Variants in AGFG2 observed in about 807,000 individuals in gnomAD.
AGFG2 encodes the protein arf-GAP domain and FG repeat-containing protein 2.
In AGFG2, 31 loss-of-function variants were observed where a neutral mutation model predicts 48.0. The ratio of observed to expected loss-of-function variants is 0.65; its 90% CI spans 0.49 to 0.87. The LOEUF (loss-of-function observed/expected upper bound fraction) is 0.87. Ranked by LOEUF, AGFG2 falls within the 40% of genes least tolerant of loss-of-function variation. The pLI, the probability that AGFG2 is intolerant of heterozygous loss-of-function variation, is 0.00. For missense variants in AGFG2, 599 were observed against 632.6 expected (o/e 0.95, Z 0.57); for synonymous variants, 229 against 260.8 (o/e 0.88, Z 1.18).
chr7:100,564,009 C>T (rs757176284), intron 10 of AGFG2, 47 bp downstream of exon 10: 32 of 1,592,748 alleles, frequency 2.0e-5, no homozygotes, highest in Non-Finnish European at 2.6e-5. Flanking sequence ...CCCATCTCTG[C>T]ATAGAGATCA....
At position 100,562,715 on chromosome 7, in the gene AGFG2, G is replaced by T; in HGVS notation, c.1087+33G>T. 1.3e-6 allele frequency: 2 copies of T among 1,597,312 alleles called. No individual in the cohort carries two copies. The highest frequency in any genetic ancestry group is 1.1e-5 in the South Asian group (1 of 89,110). ...CTGCCTGTGGAGACCCAGGGGAGGG[G>T]ACCTGAGGCCAGGAGGAGTCTAAGG... On this transcript the variant is annotated intron_variant, in intron 8 of 11. Transcript: ENST00000300176. This position sits in a 1 kb window ranked among gnomAD's most constrained non-coding sequence, Gnocchi z 5.4.
chr7:100,550,402 C>T lies in AGFG2; in HGVS notation c.322C>T (p.Arg108Trp), dbSNP rs146728315. 5 of 1,612,008 alleles carry T rather than the reference C, an allele frequency of 3.1e-6. No homozygotes were observed. Among genetic ancestry groups the T allele is most frequent in the African/African-American group, 2.7e-5 (2 of 74,694 alleles). ...GACACCTTCATTCTTTTAGGTTTGC[C>T]GGAAGATTTGGTTGGGTCTGTTTGA... ...FLQSRGNEVC[R>W]KIWLGLFDAR... is the part of the protein sequence containing the mutation. Residue 108 changes from arginine to tryptophan, a missense_variant, in exon 3 of 12, where the codon CGG (arginine) becomes TGG (tryptophan). By Grantham distance (101) the Arg-to-Trp change is moderately radical. Transcript: ENST00000300176.
In AGFG2 at chr7:100,562,502, C is replaced by T. The variant is rs1800898664; in HGVS notation, c.999-92C>T. 2.5e-6 allele frequency: 4 copies of T among 1,602,648 alleles called. No homozygotes were observed. Among genetic ancestry groups the T allele is most frequent in the Non-Finnish European group, 3.4e-6 (4 of 1,173,272 alleles). On this transcript the variant is annotated intron_variant, in intron 7 of 11. Coordinates refer to ENST00000300176, the MANE Select transcript of AGFG2 (RefSeq NM_006076.5). This position sits in a 1 kb window ranked among gnomAD's most constrained non-coding sequence, Gnocchi z 5.4. Reference sequence around the variant, plus strand: ...CCCCTCCCCTCCTCTCCCTTACTCACCCTGGAGAGCAGGGTTGGCATCTCC... The same window carrying T: ...CCCCTCCCCTCCTCTCCCTTACTCATCCTGGAGAGCAGGGTTGGCATCTCC...
chr7:100,539,561 G>A lies in AGFG2; in HGVS notation c.215G>A (p.Gly72Asp). Residue 72 changes from glycine to aspartate, a missense_variant, in exon 1 of 12, where the codon GGC (glycine) becomes GAC (aspartate). Coordinates refer to ENST00000300176, the MANE Select transcript of AGFG2 (RefSeq NM_006076.5). The stretch of plus-strand genomic sequence containing the variant: ...AGCTTCGTGTGCACCACCTGCTCCG[G>A]CCTCCTGTGAGTGACCGGGAGGGAG... ...VGSFVCTTCS[G>D]LLRGLNPPHR... 8.4e-7 allele frequency: 1 copy of A among 1,186,062 alleles called. No individual in the cohort carries two copies. 73.5% of individuals were successfully genotyped at this position (1,186,062 alleles called of 1,614,324 possible).
At position 100,539,206 on chromosome 7, in the gene AGFG2, G is replaced by A; in HGVS notation, c.-141G>A. On this transcript the variant is annotated 5_prime_UTR_variant, in exon 1 of 12. Coordinates refer to ENST00000300176, the MANE Select transcript of AGFG2 (RefSeq NM_006076.5). ...GTGCAGGACGGGCAAGGAGGGTGGT[G>A]GACGGCGAAGTCTCCTGCGGATGCC... The A allele has an allele frequency of 1.2e-6, 1 of 802,344 alleles. No individual in the cohort carries two copies. Among genetic ancestry groups the A allele is most frequent in the Non-Finnish European group, 1.7e-6 (1 of 584,936 alleles). 49.7% of individuals were successfully genotyped at this position (802,344 alleles called of 1,614,324 possible).
intron 6 of AGFG2, among the ~76,000 whole-genome samples, chr7:100,561,872 T>C (rs1800881163): frequency 6.6e-6 from 1 of 152,042 alleles, no homozygotes; most frequent in Non-Finnish European, 1.5e-5. Context: ...TGCCCCTCCC[T>C]GCCATGTTCT....
intron 1 of AGFG2, among the ~76,000 whole-genome samples, chr7:100,543,146 C>T (rs1184369967): frequency 1.3e-5 from 2 of 152,126 alleles, no homozygotes; most frequent in African/African-American, 2.4e-5. Context: ...TCACTGCAAC[C>T]TCCACCTCCT....
At chr7:100,552,037 T>C (rs1800658429) in intron 3 of AGFG2, among the ~76,000 whole-genome samples, 1 of 149,634 alleles carries the variant, frequency 6.7e-6, no homozygotes, top group African/African-American at 2.5e-5. Context: ...GGGTCAGGAC[T>C]AGTTCAAGAC....
At chr7:100,558,636 G>T (rs942294334) in intron 6 of AGFG2, among the ~76,000 whole-genome samples, 1 of 151,498 alleles carries the variant, frequency 6.6e-6, no homozygotes, top group Non-Finnish European at 1.5e-5. Context: ...CCGCCTCTCG[G>T]GTTCACGCTA....
intron 1 of AGFG2, among the ~76,000 whole-genome samples, chr7:100,540,219 G>A (rs2131098401): frequency 6.6e-6 from 1 of 152,062 alleles, no homozygotes; most frequent in East Asian, 1.9e-4. Flanking sequence ...ACTAATCTTA[G>A]CAGGGCTTTG....
At chr7:100,558,150 G>A (rs1800793941) in intron 6 of AGFG2, among the ~76,000 whole-genome samples, 1 of 152,174 alleles carries the variant, frequency 6.6e-6, no homozygotes, top group Non-Finnish European at 1.5e-5. Flanking sequence ...GGAGGCGGAG[G>A]TTGCAGTGAG....
chr7:100,548,145 C>G (rs191624829), intron 1 of AGFG2, among the ~76,000 whole-genome samples: 255 of 152,182 alleles, frequency 1.7e-3, no homozygotes, highest in African/African-American at 5.6e-3. Flanking sequence ...CCCAGAAGTA[C>G]CCCCCTCGGC....
intron 11 of AGFG2, among the ~76,000 whole-genome samples, chr7:100,564,514 C>T (rs1222587082): frequency 4.0e-5 from 6 of 150,992 alleles, no homozygotes; most frequent in Non-Finnish European, 8.9e-5. Flanking sequence ...CCTTCTCCCT[C>T]ACTTTCCTTT....
intron 6 of AGFG2, among the ~76,000 whole-genome samples, chr7:100,561,036 G>T (rs1364078217): frequency 1.4e-5 from 2 of 147,676 alleles, no homozygotes; most frequent in African/African-American, 5.0e-5. Flanking sequence ...AGCCAGGTTG[G>T]TCTTGATCTC....
chr7:100,552,442 G>A (rs1800665760), intron 3 of AGFG2, among the ~76,000 whole-genome samples: 1 of 152,122 alleles, frequency 6.6e-6, no homozygotes. Context: ...ATTGTCAGGG[G>A]GATCCTGGAA....
chr7:100,550,592 T>C, intron 3 of AGFG2, 81 bp downstream of exon 3: 1 of 1,143,266 alleles, frequency 8.7e-7, no homozygotes, highest in South Asian at 1.3e-5. Flanking sequence ...GAGTTGAATT[T>C]GGCCTTCTCA....
In AGFG2 at chr7:100,566,832, C is replaced by T. The variant is rs1056641112; in HGVS notation, c.*1841C>T. 5 of 152,286 alleles carry T rather than the reference C, an allele frequency of 3.3e-5. No individual in the cohort carries two copies. Among genetic ancestry groups the T allele is most frequent in the Admixed American group, 1.3e-4 (2 of 15,276 alleles). 9.4% of individuals were successfully genotyped at this position (152,286 alleles called of 1,614,324 possible). ...CTAGATTATCTCTGTGTCCCTCTAC[C>T]TAATTCTCTTACCAGTTCTTTCCTT... On this transcript the variant is annotated 3_prime_UTR_variant, in exon 12 of 12. Transcript: ENST00000300176.
chr7:100,555,473 A>G, intron 5 of AGFG2, 137 bp from the exon 6 acceptor site: 1 of 886,644 alleles, frequency 1.1e-6, no homozygotes, highest in Non-Finnish European at 1.7e-6. Context: ...AGATTTCACC[A>G]TGTTGACCAG....
At chr7:100,564,090 G>A in intron 10 of AGFG2, 128 bp downstream of exon 10, 1 of 1,541,244 alleles carries the variant, frequency 6.5e-7, no homozygotes. Flanking sequence ...GACCAGGGAA[G>A]CACCAGACCC....
Sources: allele counts gnomAD v4.1 joint callset (sites outside exome capture counted in the v4.1 genomes callset), GRCh38; gene constraint gnomAD v4.1.1; non-coding constraint Gnocchi (gnomAD v3.1); transcripts MANE v1.5; gene names NCBI Gene and HGNC (gene_info 2026-07-23, HGNC 2026-07-21).